ITGA11: variants seen among roughly 807,000 people sequenced by gnomAD.
ITGA11 encodes integrin subunit alpha 11, also known as integrin alpha-11.
In ITGA11, 97 loss-of-function variants were observed where a neutral mutation model predicts 141.9. That is an observed-to-expected ratio of 0.68 (90% CI 0.58 to 0.81). The LOEUF (loss-of-function observed/expected upper bound fraction) is 0.81. ITGA11 is among the 30% of genes least tolerant of loss of function. ITGA11 has a pLI of 0.00. For missense variants in ITGA11, 1,387 were observed against 1,559.2 expected (o/e 0.89, Z 1.86); for synonymous variants, 658 against 624.6 (o/e 1.05, Z -0.80).
intron 4 of ITGA11, among the ~76,000 whole-genome samples, 175 bp downstream of exon 4, chr15:68,364,532 A>T (rs1895352720): frequency 6.6e-6 from 1 of 152,204 alleles, no homozygotes; most frequent in Non-Finnish European, 1.5e-5. Context: ...TGGCATAAGC[A>T]GGGAGCTGGC....
chr15:68,385,774 C>T (rs1006140931), intron 2 of ITGA11, among the ~76,000 whole-genome samples: 2 of 152,172 alleles, frequency 1.3e-5, no homozygotes, highest in African/African-American at 4.8e-5. Flanking sequence ...TCAGTCCCGG[C>T]CCTCAAACTG....
At chr15:68,406,012 C>A (rs1358729989) in intron 1 of ITGA11, among the ~76,000 whole-genome samples, 2 of 152,154 alleles carry the variant, frequency 1.3e-5, no homozygotes, top group Non-Finnish European at 1.5e-5. Context: ...TAGGACTTCC[C>A]CTTCCTGCAT....
chr15:68,348,233 G>T (rs2140327390), intron 10 of ITGA11, among the ~76,000 whole-genome samples: 1 of 152,234 alleles, frequency 6.6e-6, no homozygotes, highest in South Asian at 2.1e-4. Flanking sequence ...TCCCTCTGTG[G>T]GCCAGCCCCA....
intron 2 of ITGA11, among the ~76,000 whole-genome samples, chr15:68,392,201 G>C (rs903170344): frequency 6.6e-6 from 1 of 152,214 alleles, no homozygotes; most frequent in Non-Finnish European, 1.5e-5. Context: ...AAGTTTCTCA[G>C]AGGAAGTGAT....
chr15:68,343,933 C>T (rs1336081951), intron 10 of ITGA11, among the ~76,000 whole-genome samples: 1 of 152,134 alleles, frequency 6.6e-6, no homozygotes. Flanking sequence ...GGGCCCTCAC[C>T]ATGTGCGGTG....
intron 7 of ITGA11, among the ~76,000 whole-genome samples, chr15:68,355,210 T>A (rs1440935422): frequency 6.6e-6 from 1 of 152,078 alleles, no homozygotes; most frequent in Non-Finnish European, 1.5e-5. Context: ...GAGTCTCGGG[T>A]CTCACCCCGA....
intron 1 of ITGA11, among the ~76,000 whole-genome samples, chr15:68,431,489 C>T (rs1240889281): frequency 2.0e-5 from 3 of 152,198 alleles, no homozygotes; most frequent in Non-Finnish European, 4.4e-5. Context: ...TGTCTTTGGC[C>T]GGAGGCACTC....
chr15:68,298,448 C>A lies in ITGA11; in HGVS notation c.*4611G>T, dbSNP rs867656105. 1 of 151,964 alleles carries A rather than the reference C, an allele frequency of 6.6e-6. No individual in the cohort carries two copies. Among genetic ancestry groups the A allele is most frequent in the African/African-American group, 2.4e-5 (1 of 41,344 alleles). The allele number at this position is 151,964 out of a possible 1,614,324, so 9.4% of individuals were successfully genotyped here. A position where few individuals can be genotyped will look rare whatever the true frequency, so the allele number is the denominator to read the frequency against. On this transcript the variant is annotated 3_prime_UTR_variant, in exon 30 of 30. Coordinates refer to ENST00000315757, the MANE Select transcript of ITGA11 (RefSeq NM_001004439.2). The stretch of plus-strand genomic sequence containing the variant: ...ACCAGTGTGGGCAACAAAGTGAGAC[C>A]CCCTCTCTGCACAAAATTAAAAAAA...
intron 2 of ITGA11, among the ~76,000 whole-genome samples, chr15:68,394,631 T>C (rs1896189730): frequency 6.6e-6 from 1 of 151,236 alleles, no homozygotes; most frequent in Non-Finnish European, 1.5e-5. Flanking sequence ...ATAGAGAAAA[T>C]CAGTAAAGCC....
rs960132969 is a variant in ITGA11 at position 68,307,345 on chromosome 15, C to T, written c.3381+3G>A. On this transcript the variant is annotated splice_donor_region_variant and intron_variant, in intron 28 of 29. Transcript: ENST00000315757. The surrounding 1 kb of genome is among the most constrained non-coding windows in gnomAD (Gnocchi z 6.1). ...CAGTTCTGCAGGGCTCCCAGGGGCTCACCTGGCGGCTGGGATCCTCCTCAC... is the reference window on the plus strand; with the variant it reads ...CAGTTCTGCAGGGCTCCCAGGGGCTTACCTGGCGGCTGGGATCCTCCTCAC... 3.9e-6 allele frequency: 6 copies of T among 1,552,594 alleles called. No individual in the cohort carries two copies. The African/African-American group carries it at 8.2e-5, about 21-fold the overall frequency.
In ITGA11 at chr15:68,324,574, A is replaced by G. The variant is rs994451430; in HGVS notation, c.2322+557T>C. Among the ~76,000 whole-genome samples the G allele has an allele frequency of 1.3e-5, 2 of 152,158 alleles. No individual in the cohort carries two copies. The highest frequency in any genetic ancestry group is 4.8e-5 in the African/African-American group (2 of 41,434). ...GCTGCAGGGAGCATTTGAATGTTAG[A>G]TGTCAAACATTTTGGATGCCCCAGA... On this transcript the variant is annotated intron_variant, in intron 18 of 29. Transcript: ENST00000315757. This position sits in a 1 kb window ranked among gnomAD's most constrained non-coding sequence, Gnocchi z 6.3.
At chr15:68,402,043 G>A (rs1243640683) in intron 2 of ITGA11, among the ~76,000 whole-genome samples, 2 of 150,970 alleles carry the variant, frequency 1.3e-5, no homozygotes, top group East Asian at 2.0e-4. Context: ...AAGTAAGGGG[G>A]TGCGGGGAGC....
intron 2 of ITGA11, among the ~76,000 whole-genome samples, chr15:68,401,776 G>T (rs1292734041): frequency 6.6e-6 from 1 of 152,122 alleles, no homozygotes; most frequent in Non-Finnish European, 1.5e-5. Context: ...TTACATAGGT[G>T]TATATCATGG....
chr15:68,389,419 G>A (rs1269470535), intron 2 of ITGA11, among the ~76,000 whole-genome samples: 1 of 152,244 alleles, frequency 6.6e-6, no homozygotes, highest in Non-Finnish European at 1.5e-5. Context: ...CTGGGGAGGA[G>A]CATGGCAGCC....
At chr15:68,346,522 C>G (rs1894748993) in intron 10 of ITGA11, among the ~76,000 whole-genome samples, 1 of 152,196 alleles carries the variant, frequency 6.6e-6, no homozygotes, top group Non-Finnish European at 1.5e-5. Flanking sequence ...TGAAATGTTT[C>G]TTTAATGTAC....
intron 10 of ITGA11, 23 bp from the exon 11 acceptor site, chr15:68,339,667 C>T (rs1894500479): frequency 6.2e-7 from 1 of 1,613,450 alleles, no homozygotes. Context: ...AGGGGACACA[C>T]ATCAGCACCT....
chr15:68,425,641 G>A (rs922169668), intron 1 of ITGA11, among the ~76,000 whole-genome samples: 6 of 152,168 alleles, frequency 3.9e-5, no homozygotes, highest in Admixed American at 6.5e-5. Context: ...CACCTGGCCC[G>A]GCCTGACTGA....
intron 7 of ITGA11, among the ~76,000 whole-genome samples, chr15:68,355,493 G>C (rs1035334760): frequency 1.1e-4 from 17 of 151,470 alleles, no homozygotes; most frequent in Non-Finnish European, 1.9e-4. Flanking sequence ...TGTTGCCTAG[G>C]TGGAGTGCAG....
intron 2 of ITGA11, among the ~76,000 whole-genome samples, chr15:68,384,551 G>A (rs1460735916): frequency 6.6e-6 from 1 of 152,172 alleles, no homozygotes; most frequent in East Asian, 1.9e-4. Flanking sequence ...TTGTCTGTGT[G>A]TGCCTGCCAA....
Sources: gnomAD v4.1 joint callset for allele counts (sites outside exome capture counted in the v4.1 genomes callset) on GRCh38, gnomAD v4.1.1 for gene constraint, Gnocchi (gnomAD v3.1) non-coding constraint, MANE v1.5 for transcripts, NCBI Gene and HGNC (gene_info 2026-07-23, HGNC 2026-07-21) for gene names.